Variants in ADAM17 observed in about 807,000 individuals in gnomAD.
ADAM17 encodes the protein disintegrin and metalloproteinase domain-containing protein 17.
In ADAM17, 39 loss-of-function variants were observed where a neutral mutation model predicts 96.7. That is an observed-to-expected ratio of 0.40 (90% CI 0.31 to 0.53). The LOEUF (loss-of-function observed/expected upper bound fraction) is 0.53, where lower values mean the gene tolerates loss of function less well. ADAM17 is among the 20% of genes least tolerant of loss of function. The pLI, the probability that ADAM17 is intolerant of heterozygous loss-of-function variation, is 0.44. For missense variants in ADAM17, 777 were observed against 1,013.2 expected, an observed-to-expected ratio of 0.77 and a Z score of 3.17; for synonymous variants, 344 against 359.2, an observed-to-expected ratio of 0.96 and a Z score of 0.48.
Position 9,490,414 on chromosome 2 carries a change from AG to A in ADAM17, c.2237del (p.Pro746LeufsTer108), listed in dbSNP as rs1662030392. 1 of 1,614,032 alleles carries A rather than the reference AG, an allele frequency of 6.2e-7. No individual in the cohort carries two copies. Among genetic ancestry groups the A allele is most frequent in the Non-Finnish European group, 8.5e-7 (1 of 1,180,026 alleles). On this transcript the variant is annotated frameshift_variant, in exon 19 of 19. Coordinates refer to ENST00000310823, the MANE Select transcript of ADAM17 (RefSeq NM_003183.6). LOFTEE classifies it high-confidence loss of function. Reference sequence around the variant, plus strand: ...CCAGTTTTGGAGCTGCTGGCGCCGAAGGGATCACAGGGGCAGGCTGCAGGCG... The same window carrying A: ...CCAGTTTTGGAGCTGCTGGCGCCGAAGGATCACAGGGGCAGGCTGCAGGCG... Reference protein sequence around the residue: ...PGRLQPAPVIPSAPAAPKLDH... With the variant: ...PGRLQPAPVIXSAPAAPKLDH...
intron 11 of ADAM17, among the ~76,000 whole-genome samples, chr2:9,508,652 G>A (rs992089478): frequency 5.9e-5 from 9 of 152,144 alleles, no homozygotes; most frequent in Non-Finnish European, 1.2e-4. Context: ...TTACAATTCA[G>A]TTCCTCAGTT....
At chr2:9,523,959 TGAATTTCTG>T (rs1229511154) in intron 6 of ADAM17, among the ~76,000 whole-genome samples, 1 of 151,596 alleles carries the variant, frequency 6.6e-6, no homozygotes, top group Non-Finnish European at 1.5e-5. Flanking sequence ...CACTACAGCC[TGAATTTCTG>T]GACTCAAGCA....
intron 1 of ADAM17, among the ~76,000 whole-genome samples, chr2:9,547,009 T>C (rs1275982138): frequency 6.6e-6 from 1 of 152,182 alleles, no homozygotes; most frequent in African/African-American, 2.4e-5. Context: ...GCCCAGCCCA[T>C]ATTCTCTCTT....
chr2:9,554,700 C>A (rs1403974970), intron 1 of ADAM17, among the ~76,000 whole-genome samples: 1 of 152,176 alleles, frequency 6.6e-6, no homozygotes, highest in Non-Finnish European at 1.5e-5. Context: ...AAAGTTCACG[C>A]AAACTTACTT....
chr2:9,534,908 T>C (rs576157653), intron 4 of ADAM17, among the ~76,000 whole-genome samples: 2 of 152,352 alleles, frequency 1.3e-5, no homozygotes, highest in East Asian at 3.9e-4. Flanking sequence ...ATGAATGCAT[T>C]TATAATATTA....
chr2:9,518,310 C>G, intron 8 of ADAM17, 63 bp from the exon 9 acceptor site: 7 of 1,423,678 alleles, frequency 4.9e-6, no homozygotes, highest in Non-Finnish European at 6.5e-6. Flanking sequence ...TTACATCAGA[C>G]TAAAAGATGT....
rs761025971 is a variant in ADAM17 at position 9,490,410 on chromosome 2, C to T, written c.2242G>A (p.Ala748Thr). 4 of 1,614,104 alleles carry T rather than the reference C, an allele frequency of 2.5e-6. No individual in the cohort carries two copies. The South Asian group carries it at 4.4e-5, about 18-fold the overall frequency. ...RLQPAPVIPS[A>T]PAAPKLDHQR... Reference sequence around the variant, plus strand: ...TGGTCCAGTTTTGGAGCTGCTGGCGCCGAAGGGATCACAGGGGCAGGCTGC... The same window carrying T: ...TGGTCCAGTTTTGGAGCTGCTGGCGTCGAAGGGATCACAGGGGCAGGCTGC... Residue 748 changes from alanine to threonine, a missense_variant, in exon 19 of 19, where the codon GCG (alanine) becomes ACG (threonine). By Grantham distance (58) the Ala-to-Thr change is moderately conservative. Around this residue, in one of 3 missense-constraint regions of ADAM17, gnomAD observed 197 missense variants for 219.4 expected, o/e 0.90. Transcript: ENST00000310823.
At chr2:9,554,669 A>C (rs1665687214) in intron 1 of ADAM17, among the ~76,000 whole-genome samples, 1 of 152,222 alleles carries the variant, frequency 6.6e-6, no homozygotes. Flanking sequence ...TTGAAAGATA[A>C]AAGGATTTTA....
intron 15 of ADAM17, 51 bp downstream of exon 15, chr2:9,494,586 T>G (rs774968157): frequency 1.2e-6 from 2 of 1,600,580 alleles, no homozygotes; most frequent in Non-Finnish European, 1.7e-6. Context: ...ACTTACAAAA[T>G]AAAAACTTCC....
intron 14 of ADAM17, among the ~76,000 whole-genome samples, chr2:9,495,549 C>T (rs1051909195): frequency 2.0e-5 from 3 of 152,008 alleles, no homozygotes; most frequent in African/African-American, 7.2e-5. Flanking sequence ...CCCATCTCTA[C>T]TAAAAATAAA....
intron 10 of ADAM17, among the ~76,000 whole-genome samples, chr2:9,514,430 G>A (rs1261462672): frequency 1.4e-5 from 2 of 147,340 alleles, no homozygotes; most frequent in African/African-American, 2.5e-5. Flanking sequence ...GAGTTAATGG[G>A]TGCAGCACAC....
At chr2:9,519,041 T>A (rs1251292117) in intron 8 of ADAM17, among the ~76,000 whole-genome samples, 1 of 151,952 alleles carries the variant, frequency 6.6e-6, no homozygotes, top group Non-Finnish European at 1.5e-5. Context: ...AAGAAGCTGG[T>A]ACCAAAGGCG....
intron 13 of ADAM17, among the ~76,000 whole-genome samples, chr2:9,499,278 C>A (rs964657903): frequency 6.6e-6 from 1 of 151,896 alleles, no homozygotes; most frequent in African/African-American, 2.4e-5. Context: ...GTTTTACTTA[C>A]GTTTATTTAA....
In ADAM17 at chr2:9,497,244, A is replaced by C. The variant is rs754585612; in HGVS notation, c.1653T>G (p.Asn551Lys). ...TTCCTGGAGGCGGGCACTCACTGCT[A>C]TTACCTGGAAGCAAACACCAGTCAT... Reference protein sequence around the residue: ...TCKGVSYCTGNSSECPPPGNA... With the variant: ...TCKGVSYCTGKSSECPPPGNA... The change falls in exon 14 of 19, where the codon AAT becomes AAG. Residue 551 changes from asparagine to lysine, a missense_variant. Physicochemically the swap from Asn to Lys is moderately conservative, Grantham distance 94. Transcript: ENST00000310823. 4 of 1,614,076 alleles carry C rather than the reference A, an allele frequency of 2.5e-6. No individual in the cohort carries two copies. The Admixed American group carries it at 5.0e-5, about 20-fold the overall frequency.
intron 7 of ADAM17, 55 bp from the exon 8 acceptor site, chr2:9,521,371 C>G: frequency 5.9e-6 from 7 of 1,190,726 alleles, no homozygotes; most frequent in Non-Finnish European, 7.3e-6. Context: ...TCAGAAGGCT[C>G]TGAATACTGC....
At chr2:9,520,964 C>CAAAAAAAAAAAAAAAAAAA (rs55909096) in intron 8 of ADAM17, among the ~76,000 whole-genome samples, 16 of 26,274 alleles carry the variant, frequency 6.1e-4, no homozygotes, top group Non-Finnish European at 8.8e-4. Context: ...AACTCTGTCT[C>CAAAAAAAAAAAAAAAAAAA]AAAAAAAAAA....
intron 10 of ADAM17, among the ~76,000 whole-genome samples, chr2:9,517,322 A>C (rs965166703): frequency 1.3e-5 from 2 of 152,272 alleles, no homozygotes; most frequent in Admixed American, 6.5e-5. Context: ...AACAAAGATA[A>C]GAACTCAAAA....
chr2:9,518,719 T>G (rs140499569), intron 8 of ADAM17, among the ~76,000 whole-genome samples: 1 of 152,176 alleles, frequency 6.6e-6, no homozygotes, highest in Non-Finnish European at 1.5e-5. Flanking sequence ...TATACACTTA[T>G]AGAAAAGCAT....
chr2:9,510,401 C>T (rs1466654234), intron 10 of ADAM17, among the ~76,000 whole-genome samples: 6 of 152,174 alleles, frequency 3.9e-5, no homozygotes, highest in African/African-American at 2.4e-5. Flanking sequence ...CATGGTGGCT[C>T]ACGCCTGTAA....
Sources: allele counts gnomAD v4.1 joint callset (sites outside exome capture counted in the v4.1 genomes callset), GRCh38; gene constraint gnomAD v4.1.1; regional missense constraint gnomAD v4.1.1; transcripts MANE v1.5; gene names NCBI Gene and HGNC (gene_info 2026-07-23, HGNC 2026-07-21).